The following FEN1 variants were observed in gnomAD, a reference collection of about 807,000 sequenced individuals.
FEN1 encodes the protein flap endonuclease 1.
FEN1 carries 19 observed loss-of-function variants against 24.7 expected under a neutral mutation model. That is an observed-to-expected ratio of 0.77 (90% CI 0.54 to 1.13). The LOEUF (loss-of-function observed/expected upper bound fraction) is 1.13. Ranked by LOEUF, FEN1 falls within the 50% of genes most tolerant of loss-of-function variation. The pLI is 0.00. For synonymous variants in FEN1, 155 were observed against 189.2 expected, an observed-to-expected ratio of 0.82 and a Z score of 1.48; for missense variants, 339 against 488.7, an observed-to-expected ratio of 0.69 and a Z score of 2.89.
chr11:61,796,463 G>A lies in FEN1; in HGVS notation c.1102G>A (p.Ala368Thr), dbSNP rs765464647. The A allele has an allele frequency of 6.8e-6, 11 of 1,611,944 alleles. No homozygotes were observed. Among genetic ancestry groups the A allele is most frequent in the African/African-American group, 2.7e-5 (2 of 74,860 alleles). ...ACCCAAGGGATCCACTAAGAAGAAG[G>A]CAAAGACTGGGGCAGCAGGGAAGTT... ...PEPKGSTKKK[A>T]KTGAAGKFKR... is the part of the protein sequence containing the mutation. The change falls in exon 2 of 2, where the codon GCA (alanine) becomes ACA (threonine). Residue 368 changes from alanine to threonine, a missense_variant. Around this residue, in one of 3 missense-constraint regions of FEN1, gnomAD observed 53 missense variants for 94.1 expected, o/e 0.56. Transcript: ENST00000305885.
Position 61,796,201 on chromosome 11 carries a change from C to T in FEN1, c.840C>T (p.His280=). 1 of 1,613,352 alleles carries T rather than the reference C, an allele frequency of 6.2e-7. No individual in the cohort carries two copies. The highest frequency in any genetic ancestry group is 8.5e-7 in the Non-Finnish European group (1 of 1,180,036). The change falls in exon 2 of 2, where the codon CAC becomes CAT. Residue 280 remains histidine, a synonymous_variant. Coordinates refer to ENST00000305885, the MANE Select transcript of FEN1 (RefSeq NM_004111.6). ...VPENWLHKEA[H]QLFLEPEVLD... is the part of the protein sequence containing the mutation. ...AAAATTGGCTCCACAAGGAGGCTCACCAGCTCTTCTTGGAACCTGAGGTGC... is the reference window on the plus strand; with the variant it reads ...AAAATTGGCTCCACAAGGAGGCTCATCAGCTCTTCTTGGAACCTGAGGTGC...
Position 61,796,356 on chromosome 11 carries a change from G to A in FEN1, c.995G>A (p.Arg332His), listed in dbSNP as rs371918257. The change falls in exon 2 of 2, where the codon CGC becomes CAC. Residue 332 changes from arginine to histidine, a missense_variant. Physicochemically the swap from Arg to His is conservative, Grantham distance 29 (BLOSUM62 0). Around this residue, in one of 3 missense-constraint regions of FEN1, gnomAD observed 53 missense variants for 94.1 expected, o/e 0.56. Transcript: ENST00000305885. Reference protein sequence around the residue: ...RSGVKRLSKSRQGSTQGRLDD... With the variant: ...RSGVKRLSKSHQGSTQGRLDD... ...GGGGTCAAGAGGCTGAGTAAGAGCC[G>A]CCAAGGCAGCACCCAGGGCCGCCTG... The A allele has an allele frequency of 1.2e-4, 197 of 1,613,538 alleles. 1 individual carries two copies. Among genetic ancestry groups the A allele is most frequent in the Admixed American group, 1.5e-4 (9 of 60,020 alleles).
chr11:61,795,553 G>C lies in FEN1; in HGVS notation c.192G>C (p.Leu64=). 6.2e-7 allele frequency: 1 copy of C among 1,614,224 alleles called. No homozygotes were observed. The highest frequency in any genetic ancestry group is 8.5e-7 in the Non-Finnish European group (1 of 1,180,044). The change falls in exon 2 of 2, where the codon CTG becomes CTC. Residue 64 remains leucine (L), a synonymous_variant. Coordinates refer to ENST00000305885, the MANE Select transcript of FEN1 (RefSeq NM_004111.6). The surrounding 1 kb of genome is among the most constrained non-coding windows in gnomAD (Gnocchi z 4.1). ...AGGAGGGTGAGACCACCAGCCACCTGATGGGCATGTTCTACCGCACCATTC... is the reference window on the plus strand; with the variant it reads ...AGGAGGGTGAGACCACCAGCCACCTCATGGGCATGTTCTACCGCACCATTC... ...QNEEGETTSH[L]MGMFYRTIRM... is the part of the protein sequence containing the mutation.
At position 61,795,059 on chromosome 11, in the gene FEN1, G is replaced by C. The variant is rs1356569108; in HGVS notation, c.-21-282G>C. Reference sequence around the variant, plus strand: ...GAGACCTATGTTGCAGGTTTTTTTTGTGTAATAAATAATGCTGCTACCTTA... The same window carrying C: ...GAGACCTATGTTGCAGGTTTTTTTTCTGTAATAAATAATGCTGCTACCTTA... On this transcript the variant is annotated intron_variant, in intron 1 of 1. Coordinates refer to ENST00000305885, the MANE Select transcript of FEN1 (RefSeq NM_004111.6). The surrounding 1 kb of genome is among the most constrained non-coding windows in gnomAD (Gnocchi z 4.1). Among the ~76,000 whole-genome samples the C allele has an allele frequency of 6.6e-6, 1 of 151,986 alleles. No homozygotes were observed.
chr11:61,794,463 A>G (rs1159443216), intron 1 of FEN1, among the ~76,000 whole-genome samples: 7 of 152,154 alleles, frequency 4.6e-5, no homozygotes, highest in Non-Finnish European at 1.0e-4. Context: ...TTTAATACAT[A>G]TTAAAATATA....
At chr11:61,794,027 CAT>C in intron 1 of FEN1, among the ~76,000 whole-genome samples, 1 of 152,312 alleles carries the variant, frequency 6.6e-6, no homozygotes, top group African/African-American at 2.4e-5. Context: ...GTGGCACAAT[CAT>C]AGCTCACTGT....
rs757420433 is a variant in FEN1 at position 61,796,130 on chromosome 11, G to T, written c.769G>T (p.Glu257Ter). 6 of 1,614,178 alleles carry T rather than the reference G, an allele frequency of 3.7e-6. No homozygotes were observed. The highest frequency in any genetic ancestry group is 5.1e-6 in the Non-Finnish European group (6 of 1,180,040). Residue 257 changes from glutamate (E) to a stop codon, truncating the protein, a stop_gained, in exon 2 of 2, where the codon GAG (glutamate) becomes TAG (stop). Coordinates refer to ENST00000305885, the MANE Select transcript of FEN1 (RefSeq NM_004111.6). LOFTEE classifies it high-confidence loss of function. ...VDLIQKHKSI[E>*]EIVRRLDPNK... ...CCTCATCCAGAAGCACAAGAGCATCGAGGAGATCGTGCGGCGACTTGACCC... is the reference window on the plus strand; with the variant it reads ...CCTCATCCAGAAGCACAAGAGCATCTAGGAGATCGTGCGGCGACTTGACCC...
chr11:61,796,069 G>C lies in FEN1; in HGVS notation c.708G>C (p.Glu236Asp). Reference sequence around the variant, plus strand: ...TCCTGCTAGGCAGTGACTACTGTGAGAGTATCCGGGGTATTGGGCCCAAGC... The same window carrying C: ...TCCTGCTAGGCAGTGACTACTGTGACAGTATCCGGGGTATTGGGCCCAAGC... ...LCILLGSDYC[E>D]SIRGIGPKRA... is the part of the protein sequence containing the mutation. Residue 236 changes from glutamate to aspartate, a missense_variant, in exon 2 of 2, where the codon GAG becomes GAC. Transcript: ENST00000305885. 1.9e-6 allele frequency: 3 copies of C among 1,614,232 alleles called. No homozygotes were observed. The highest frequency in any genetic ancestry group is 2.5e-6 in the Non-Finnish European group (3 of 1,180,046).
chr11:61,793,552 G>A (rs1026484667), intron 1 of FEN1, among the ~76,000 whole-genome samples: 13 of 152,220 alleles, frequency 8.5e-5, no homozygotes, highest in Non-Finnish European at 1.9e-4. Flanking sequence ...AATGTCACAC[G>A]GATGGTAAAT....
In FEN1 at chr11:61,796,516, C is replaced by T; in HGVS notation, c.*12C>T. ...AAAGGGGAAAATAAATGTGTTTCCC[C>T]ATTATACCTCCTTCACCCCAGAATA... On this transcript the variant is annotated 3_prime_UTR_variant, in exon 2 of 2. Coordinates refer to ENST00000305885, the MANE Select transcript of FEN1 (RefSeq NM_004111.6). The T allele has an allele frequency of 6.3e-7, 1 of 1,587,342 alleles. No individual in the cohort carries two copies. Among genetic ancestry groups the T allele is most frequent in the African/African-American group, 1.3e-5 (1 of 74,198 alleles).
chr11:61,796,209 T>G lies in FEN1; in HGVS notation c.848T>G (p.Phe283Cys). The G allele has an allele frequency of 1.2e-6, 2 of 1,613,158 alleles. No individual in the cohort carries two copies. Among genetic ancestry groups the G allele is most frequent in the African/African-American group, 1.3e-5 (1 of 75,014 alleles). The change falls in exon 2 of 2, where the codon TTC becomes TGC. Residue 283 changes from phenylalanine (F) to cysteine (C), a missense_variant. Transcript: ENST00000305885. ...CTCCACAAGGAGGCTCACCAGCTCT[T>G]CTTGGAACCTGAGGTGCTGGACCCA... ...NWLHKEAHQL[F>C]LEPEVLDPES...
intron 1 of FEN1, among the ~76,000 whole-genome samples, chr11:61,794,969 T>G (rs2066811295): frequency 6.6e-6 from 1 of 152,210 alleles, no homozygotes; most frequent in Admixed American, 6.5e-5. Flanking sequence ...CTTTCAGGTC[T>G]GCCATTATGG....
intron 1 of FEN1, among the ~76,000 whole-genome samples, chr11:61,793,818 C>G (rs1441558764): frequency 6.6e-6 from 1 of 152,102 alleles, no homozygotes; most frequent in Non-Finnish European, 1.5e-5. Context: ...CATGAAAGAT[C>G]GTGATGCCAT....
chr11:61,796,226 C>T lies in FEN1; in HGVS notation c.865C>T (p.Leu289=), dbSNP rs1177553641. Residue 289 remains leucine (L), a synonymous_variant, in exon 2 of 2, where the codon CTG becomes TTG. Coordinates refer to ENST00000305885, the MANE Select transcript of FEN1 (RefSeq NM_004111.6). ...CCAGCTCTTCTTGGAACCTGAGGTGCTGGACCCAGAGTCTGTGGAGCTGAA... is the reference window on the plus strand; with the variant it reads ...CCAGCTCTTCTTGGAACCTGAGGTGTTGGACCCAGAGTCTGTGGAGCTGAA... ...AHQLFLEPEV[L]DPESVELKWS... is the part of the protein sequence containing the mutation. The T allele has an allele frequency of 6.2e-7, 1 of 1,612,852 alleles. No individual in the cohort carries two copies. The highest frequency in any genetic ancestry group is 1.1e-5 in the South Asian group (1 of 91,028).
rs745612425 is a variant in FEN1, at chr11:61,795,718, C to T, written c.357C>T (p.Ala119=). ...TGCAGCAGGCTCAGGCTGCTGGGGC[C>T]GAGCAGGAGGTGGAAAAATTCACTA... ...KQLQQAQAAG[A]EQEVEKFTKR... The change falls in exon 2 of 2, where the codon GCC becomes GCT. Residue 119 remains alanine (A), a synonymous_variant. Coordinates refer to ENST00000305885, the MANE Select transcript of FEN1 (RefSeq NM_004111.6). The surrounding 1 kb of genome is among the most constrained non-coding windows in gnomAD (Gnocchi z 4.1). 1.3e-5 allele frequency: 21 copies of T among 1,613,756 alleles called. No homozygotes were observed. The highest frequency in any genetic ancestry group is 6.7e-5 in the East Asian group (3 of 44,876).
rs1173228789 is a variant in FEN1 at position 61,796,236 on chromosome 11, A to T, written c.875A>T (p.Glu292Val). The change falls in exon 2 of 2, where the codon GAG becomes GTG. Residue 292 changes from glutamate (E) to valine (V), a missense_variant. Physicochemically the swap from Glu to Val is moderately radical, Grantham distance 121. Coordinates refer to ENST00000305885, the MANE Select transcript of FEN1 (RefSeq NM_004111.6). ...TTGGAACCTGAGGTGCTGGACCCAGAGTCTGTGGAGCTGAAGTGGAGCGAG... is the reference window on the plus strand; with the variant it reads ...TTGGAACCTGAGGTGCTGGACCCAGTGTCTGTGGAGCTGAAGTGGAGCGAG... ...LFLEPEVLDP[E>V]SVELKWSEPN... 1 of 1,612,580 alleles carries T rather than the reference A, an allele frequency of 6.2e-7. No individual in the cohort carries two copies. The highest frequency in any genetic ancestry group is 2.2e-5 in the East Asian group (1 of 44,904).
chr11:61,797,101 T>C lies in FEN1; in HGVS notation c.*597T>C, dbSNP rs141406755. The C allele has an allele frequency of 3.7e-4, 63 of 168,044 alleles. 1 individual carries two copies. Among genetic ancestry groups the C allele is most frequent in the African/African-American group, 1.5e-3 (61 of 41,580 alleles). 10.4% of individuals were successfully genotyped at this position (168,044 alleles called of 1,614,324 possible). On this transcript the variant is annotated 3_prime_UTR_variant, in exon 2 of 2. Coordinates refer to ENST00000305885, the MANE Select transcript of FEN1 (RefSeq NM_004111.6). ...TCGAACTTGCTATGTAATTTGTGTC[T>C]AGTTATTCAGAGGAGTAAGATGGTG...
chr11:61,796,456 G>C lies in FEN1; in HGVS notation c.1095G>C (p.Lys365Asn). 6.2e-7 allele frequency: 1 copy of C among 1,612,716 alleles called. No homozygotes were observed. The highest frequency in any genetic ancestry group is 8.5e-7 in the Non-Finnish European group (1 of 1,179,802). ...RKEPEPKGST[K>N]KKAKTGAAGK... is the part of the protein sequence containing the mutation. Reference sequence around the variant, plus strand: ...AGCCAGAACCCAAGGGATCCACTAAGAAGAAGGCAAAGACTGGGGCAGCAG... The same window carrying C: ...AGCCAGAACCCAAGGGATCCACTAACAAGAAGGCAAAGACTGGGGCAGCAG... The change falls in exon 2 of 2, where the codon AAG becomes AAC. Residue 365 changes from lysine (K) to asparagine (N), a missense_variant. Physicochemically the swap from Lys to Asn is moderately conservative, Grantham distance 94 (BLOSUM62 0). This residue lies in a region of FEN1 where 53 missense variants were observed against 94.1 expected (regional missense o/e 0.56). Coordinates refer to ENST00000305885, the MANE Select transcript of FEN1 (RefSeq NM_004111.6).
In FEN1 at chr11:61,796,737, A is replaced by C; in HGVS notation, c.*233A>C. 1.8e-6 allele frequency: 1 copy of C among 544,330 alleles called. No homozygotes were observed. The highest frequency in any genetic ancestry group is 3.3e-6 in the Non-Finnish European group (1 of 300,430). The allele number at this position is 544,330 out of a possible 1,614,324, so 33.7% of individuals were successfully genotyped here. On this transcript the variant is annotated 3_prime_UTR_variant, in exon 2 of 2. Coordinates refer to ENST00000305885, the MANE Select transcript of FEN1 (RefSeq NM_004111.6). The stretch of plus-strand genomic sequence containing the variant: ...ATATGTCAGGCTCAAACCACTTCTC[A>C]GGCAGTTTAATGGACACTAAGTCCA...
Sources: gnomAD v4.1 joint callset for allele counts (sites outside exome capture counted in the v4.1 genomes callset) on GRCh38, gnomAD v4.1.1 for gene constraint, gnomAD v4.1.1 regional missense constraint, Gnocchi (gnomAD v3.1) non-coding constraint, MANE v1.5 for transcripts, NCBI Gene and HGNC (gene_info 2026-07-23, HGNC 2026-07-21) for gene names.